Variants in ASXL2 observed in about 807,000 individuals in gnomAD.
ASXL2 encodes ASXL transcriptional regulator 2, also known as putative Polycomb group protein ASXL2.
In ASXL2, 23 loss-of-function variants were observed where a neutral mutation model predicts 122.0. The ratio of observed to expected loss-of-function variants is 0.19; its 90% CI spans 0.14 to 0.27. The LOEUF (loss-of-function observed/expected upper bound fraction) is 0.27, where lower values mean the gene tolerates loss of function less well. ASXL2 is among the 10% of genes least tolerant of loss of function. The probability of loss-of-function intolerance (pLI) is 1.00; values close to 1 mark genes in which losing one functional copy is unlikely to be tolerated. For missense variants in ASXL2, 1,518 were observed against 1,713.8 expected, an observed-to-expected ratio of 0.89 and a Z score of 2.02; for synonymous variants, 650 against 637.0, an observed-to-expected ratio of 1.02 and a Z score of -0.31.
At chr2:25,819,722 C>G (rs1231435919) in intron 3 of ASXL2, among the ~76,000 whole-genome samples, 1 of 152,166 alleles carries the variant, frequency 6.6e-6, no homozygotes, top group Admixed American at 6.5e-5. Context: ...TACATGAAAA[C>G]TAAATGCAAA....
intron 1 of ASXL2, among the ~76,000 whole-genome samples, chr2:25,859,131 G>C (rs2089817227): frequency 6.6e-6 from 1 of 151,368 alleles, no homozygotes; most frequent in African/African-American, 2.4e-5. Flanking sequence ...TTTTGAGACA[G>C]GGTTTTGCTA....
chr2:25,771,707 T>G (rs955539030), intron 5 of ASXL2, among the ~76,000 whole-genome samples, 167 bp from the exon 6 acceptor site: 2 of 152,228 alleles, frequency 1.3e-5, no homozygotes, highest in African/African-American at 4.8e-5. Flanking sequence ...TTTCAGTTTT[T>G]TTCCTCAGAA....
rs75177369 is a variant in ASXL2, at chr2:25,735,753, T to G, written c.*6276A>C. The stretch of plus-strand genomic sequence containing the variant: ...GTTAAGAGATTTCTTGAAATTTCTA[T>G]AGACAACTTTAGCTATTCCAACAAT... On this transcript the variant is annotated 3_prime_UTR_variant, in exon 13 of 13. Coordinates refer to ENST00000435504, the MANE Select transcript of ASXL2 (RefSeq NM_018263.6). The G allele has an allele frequency of 6.6e-6, 1 of 152,214 alleles. No homozygotes were observed. The highest frequency in any genetic ancestry group is 6.5e-5 in the Admixed American group (1 of 15,288). The allele number at this position is 152,214 out of a possible 1,614,324, so 9.4% of individuals were successfully genotyped here. A position where few individuals can be genotyped will look rare whatever the true frequency, so the allele number is the denominator to read the frequency against.
chr2:25,830,581 G>A (rs565139550), intron 3 of ASXL2, among the ~76,000 whole-genome samples: 7 of 149,110 alleles, frequency 4.7e-5, no homozygotes, highest in Admixed American at 1.3e-4. Flanking sequence ...AGCCGAGATC[G>A]CATCACTGCT....
chr2:25,840,788 T>C (rs2089570320), intron 2 of ASXL2, among the ~76,000 whole-genome samples: 1 of 152,240 alleles, frequency 6.6e-6, no homozygotes, highest in African/African-American at 2.4e-5. Flanking sequence ...ATTTCAGTTG[T>C]TACCACTTTA....
chr2:25,815,797 T>G (rs1206756879), intron 3 of ASXL2, among the ~76,000 whole-genome samples: 2 of 152,138 alleles, frequency 1.3e-5, no homozygotes, highest in Non-Finnish European at 2.9e-5. Flanking sequence ...AATGATGAGA[T>G]TCCTTCAATG....
chr2:25,818,928 G>A (rs1188137786), intron 3 of ASXL2, among the ~76,000 whole-genome samples: 2 of 152,172 alleles, frequency 1.3e-5, no homozygotes, highest in Non-Finnish European at 2.9e-5. Flanking sequence ...AAGGTAAAGG[G>A]TCTCACATAA....
At chr2:25,803,826 C>G (rs1050655114) in intron 4 of ASXL2, among the ~76,000 whole-genome samples, 3 of 152,182 alleles carry the variant, frequency 2.0e-5, no homozygotes, top group African/African-American at 7.2e-5. Context: ...AGCTGTGCAG[C>G]CGGGTTCCTA....
chr2:25,771,813 A>G (rs1304853459), intron 5 of ASXL2, among the ~76,000 whole-genome samples: 1 of 152,160 alleles, frequency 6.6e-6, no homozygotes, highest in Non-Finnish European at 1.5e-5. Flanking sequence ...CTGAAGAATG[A>G]CTCATCAAAT....
intron 5 of ASXL2, among the ~76,000 whole-genome samples, chr2:25,791,127 G>A (rs1050282322): frequency 6.6e-6 from 1 of 151,894 alleles, no homozygotes; most frequent in Non-Finnish European, 1.5e-5. Flanking sequence ...CTGGTGTCTG[G>A]CTATGAAAAT....
chr2:25,811,546 C>A (rs548193707), intron 3 of ASXL2, among the ~76,000 whole-genome samples: 26 of 151,868 alleles, frequency 1.7e-4, no homozygotes, highest in African/African-American at 5.3e-4. Flanking sequence ...AGGACGTGAA[C>A]AAATGATTCA....
intron 5 of ASXL2, among the ~76,000 whole-genome samples, chr2:25,781,117 G>C (rs1468366957): frequency 6.6e-6 from 1 of 151,584 alleles, no homozygotes; most frequent in Non-Finnish European, 1.5e-5. Context: ...GTAGTACTTG[G>C]TTTCATATTT....
chr2:25,826,762 T>TAAAAAAAAAA lies in ASXL2; in HGVS notation c.143+8766_143+8775dup, dbSNP rs55765302. Among the ~76,000 whole-genome samples, 26 of 68,060 alleles carry TAAAAAAAAAA rather than the reference T, an allele frequency of 3.8e-4. 1 individual carries two copies. Among genetic ancestry groups the TAAAAAAAAAA allele is most frequent in the South Asian group, 7.9e-4 (1 of 1,268 alleles). The allele number at this position is 68,060 out of a possible 152,430, so 44.7% of individuals were successfully genotyped here. On this transcript the variant is annotated intron_variant, in intron 3 of 12. Coordinates refer to ENST00000435504, the MANE Select transcript of ASXL2 (RefSeq NM_018263.6). ...AGGATTAAATAATAGACTTTCAAGGTAAAAAAAAAAAAAAAAAAAAAAAAA... is the reference window on the plus strand; with the variant it reads ...AGGATTAAATAATAGACTTTCAAGGTAAAAAAAAAAAAAAAAAAAAAAAAAAAAAAAAAAA...
chr2:25,832,550 G>C (rs1423138821), intron 3 of ASXL2, among the ~76,000 whole-genome samples: 1 of 151,702 alleles, frequency 6.6e-6, no homozygotes, highest in Non-Finnish European at 1.5e-5. Context: ...AAATTAAAAG[G>C]CAAGGATTGG....
intron 1 of ASXL2, among the ~76,000 whole-genome samples, chr2:25,866,098 T>G (rs1198454027): frequency 6.6e-6 from 1 of 152,012 alleles, no homozygotes; most frequent in Non-Finnish European, 1.5e-5. Context: ...ATTTTTAAGA[T>G]TGTCATTAAA....
At chr2:25,857,198 C>A (rs1183546568) in intron 1 of ASXL2, among the ~76,000 whole-genome samples, 2 of 151,384 alleles carry the variant, frequency 1.3e-5, no homozygotes, top group Non-Finnish European at 2.9e-5. Context: ...CCATGGAGTT[C>A]TTCTGTATCC....
rs753726673 is a variant in ASXL2, at chr2:25,743,288, G to C, written c.3049C>G (p.Gln1017Glu). ...TGCAAGGTTTTGCCCAGCTGCTGCT[G>C]CGTAGCTGGATGGGACTGTCTCTCA... ...VNERQSHPAT[Q>E]QQLGKTLQSK... Residue 1017 changes from glutamine to glutamate, a missense_variant, in exon 13 of 13, where the codon CAG (glutamine) becomes GAG (glutamate). This residue lies in a region of ASXL2 where 831 missense variants were observed against 833.1 expected (regional missense o/e 1.00). Transcript: ENST00000435504. 34 of 1,613,740 alleles carry C rather than the reference G, an allele frequency of 2.1e-5. No homozygotes were observed. Among genetic ancestry groups the C allele is most frequent in the Non-Finnish European group, 2.8e-5 (33 of 1,179,808 alleles).
At chr2:25,864,022 CAATAA>C (rs924804593) in intron 1 of ASXL2, among the ~76,000 whole-genome samples, 6 of 149,802 alleles carry the variant, frequency 4.0e-5, no homozygotes, top group African/African-American at 1.5e-4. Flanking sequence ...AAAAAAAATA[CAATAA>C]AATAAAATAA....
intron 2 of ASXL2, among the ~76,000 whole-genome samples, chr2:25,842,810 A>G (rs897149396): frequency 1.4e-5 from 2 of 147,810 alleles, no homozygotes; most frequent in Middle Eastern, 3.2e-3. Flanking sequence ...ATATATATAT[A>G]TGTTTTTTTT....
Sources: gnomAD v4.1 joint callset for allele counts (sites outside exome capture counted in the v4.1 genomes callset) on GRCh38, gnomAD v4.1.1 for gene constraint, gnomAD v4.1.1 regional missense constraint, MANE v1.5 for transcripts, NCBI Gene and HGNC (gene_info 2026-07-23, HGNC 2026-07-21) for gene names.